Variants in NMNAT1 observed in about 807,000 individuals in gnomAD.
NMNAT1 encodes nicotinamide/nicotinic acid mononucleotide adenylyltransferase 1.
Under a neutral mutation model 16.7 loss-of-function variants are expected in NMNAT1, and 11 were observed. The ratio of observed to expected loss-of-function variants is 0.66; its 90% CI spans 0.41 to 1.09. The LOEUF is 1.09. Ranked by LOEUF, NMNAT1 falls within the 50% of genes least tolerant of loss-of-function variation. NMNAT1 has a pLI of 0.00. For synonymous variants in NMNAT1, 110 were observed against 119.8 expected (o/e 0.92, Z 0.53); for missense variants, 280 against 332.3 (o/e 0.84, Z 1.22).
At chr1:9,965,473 G>A (rs191540117) in intron 1 of NMNAT1, among the ~76,000 whole-genome samples, 9 of 151,156 alleles carry the variant, frequency 6.0e-5, no homozygotes, top group Admixed American at 4.0e-4. Context: ...GTGCAGTCTC[G>A]GCTCACTGCA....
chr1:9,982,846 G>A lies in NMNAT1; in HGVS notation c.*145G>A, dbSNP rs529047129. 50 of 808,980 alleles carry A rather than the reference G, an allele frequency of 6.2e-5. No individual in the cohort carries two copies. The East Asian group carries it at 1.2e-3, about 20-fold the overall frequency. The allele number at this position is 808,980 out of a possible 1,614,324, so 50.1% of individuals were successfully genotyped here. A position where few individuals can be genotyped will look rare whatever the true frequency, so the allele number is the denominator to read the frequency against. On this transcript the variant is annotated 3_prime_UTR_variant, in exon 5 of 5. Coordinates refer to ENST00000377205, the MANE Select transcript of NMNAT1 (RefSeq NM_022787.4). ...AAATCGTCTGGGCACAGTGGCTCAC[G>A]CCTGTAATCCCAGCACTTTGGGAGG...
chr1:9,983,757 C>G lies in NMNAT1; in HGVS notation c.*1056C>G, dbSNP rs1446321237. 1 of 152,026 alleles carries G rather than the reference C, an allele frequency of 6.6e-6. No individual in the cohort carries two copies. Among genetic ancestry groups the G allele is most frequent in the Non-Finnish European group, 1.5e-5 (1 of 68,030 alleles). The allele number at this position is 152,026 out of a possible 1,614,324, so 9.4% of individuals were successfully genotyped here. A position where few individuals can be genotyped will look rare whatever the true frequency, so the allele number is the denominator to read the frequency against. ...TCATACAGATGAGGGTCATTTTCTCCTCCTTAGCTTCTTGGAGTTTAAGAG... is the reference window on the plus strand; with the variant it reads ...TCATACAGATGAGGGTCATTTTCTCGTCCTTAGCTTCTTGGAGTTTAAGAG... On this transcript the variant is annotated 3_prime_UTR_variant, in exon 5 of 5. Coordinates refer to ENST00000377205, the MANE Select transcript of NMNAT1 (RefSeq NM_022787.4).
At chr1:9,961,544 G>C (rs1186612979) in intron 1 of NMNAT1, among the ~76,000 whole-genome samples, 1 of 152,098 alleles carries the variant, frequency 6.6e-6, no homozygotes, top group African/African-American at 2.4e-5. Flanking sequence ...TATGGGTATC[G>C]AGGGCCTGGG....
intron 1 of NMNAT1, among the ~76,000 whole-genome samples, chr1:9,970,840 T>C (rs970725645): frequency 3.9e-5 from 6 of 152,228 alleles, no homozygotes; most frequent in African/African-American, 9.6e-5. Context: ...ATGATGTTAC[T>C]ATCATGTTGA....
intron 1 of NMNAT1, among the ~76,000 whole-genome samples, chr1:9,964,865 T>C (rs1641504957): frequency 6.7e-6 from 1 of 148,460 alleles, no homozygotes. Flanking sequence ...GGAGAATCAC[T>C]TGAGCCAGGG....
At chr1:9,951,939 T>A (rs918548464) in intron 1 of NMNAT1, among the ~76,000 whole-genome samples, 2 of 152,342 alleles carry the variant, frequency 1.3e-5, no homozygotes, top group South Asian at 4.1e-4. Context: ...ATATCTCTTC[T>A]TTTGGTGTCA....
At position 9,980,513 on chromosome 1, in the gene NMNAT1, C is replaced by T. The variant is rs571961968; in HGVS notation, c.300-518C>T. On this transcript the variant is annotated intron_variant, in intron 3 of 4. Transcript: ENST00000377205. ...TGGTGCGCCCCTGTAATCCCAGCTG[C>T]TCGGGAGGCTGAGGCAAGAGAATTG... Among the ~76,000 whole-genome samples, 547 of 151,156 alleles carry T rather than the reference C, an allele frequency of 3.6e-3. 3 individuals carry two copies. The highest frequency in any genetic ancestry group is 5.7e-3 in the Non-Finnish European group (390 of 67,836).
At chr1:9,959,876 T>C (rs181441253) in intron 1 of NMNAT1, among the ~76,000 whole-genome samples, 2 of 152,274 alleles carry the variant, frequency 1.3e-5, no homozygotes, top group South Asian at 2.1e-4. Flanking sequence ...CAAAAGAATA[T>C]GCAATTTCAA....
chr1:9,961,820 G>T (rs554088380), intron 1 of NMNAT1, among the ~76,000 whole-genome samples: 4 of 152,034 alleles, frequency 2.6e-5, no homozygotes, highest in Non-Finnish European at 5.9e-5. Context: ...TGCCCAGGTT[G>T]GAGTGCAATG....
chr1:9,980,218 C>T (rs891538103), intron 3 of NMNAT1, among the ~76,000 whole-genome samples: 4 of 152,006 alleles, frequency 2.6e-5, no homozygotes, highest in African/African-American at 4.8e-5. Flanking sequence ...AGGTGTGAGC[C>T]ACCACGCCCA....
chr1:9,993,508 G>A, the NMNAT1 span, among the ~76,000 whole-genome samples: 1 of 151,964 alleles, frequency 6.6e-6, no homozygotes, highest in Admixed American at 6.6e-5. Context: ...AGAAAGACAG[G>A]ACAATACTGA....
At chr1:9,966,240 A>G (rs1641539663) in intron 1 of NMNAT1, among the ~76,000 whole-genome samples, 1 of 152,144 alleles carries the variant, frequency 6.6e-6, no homozygotes, top group Admixed American at 6.6e-5. Context: ...CAGAGGCTGC[A>G]GTGAGCTGAG....
At chr1:9,968,363 C>T (rs967105429) in intron 1 of NMNAT1, among the ~76,000 whole-genome samples, 3 of 151,258 alleles carry the variant, frequency 2.0e-5, no homozygotes, top group Admixed American at 2.0e-4. Context: ...TGAGCCGCCG[C>T]GCCTGGCCTG....
intron 1 of NMNAT1, among the ~76,000 whole-genome samples, chr1:9,948,172 T>TG (rs1641021631): frequency 6.6e-6 from 1 of 152,178 alleles, no homozygotes; most frequent in South Asian, 2.1e-4. Context: ...TGAGAACAGA[T>TG]GAACAGTCAT....
chr1:9,996,243 G>A, the NMNAT1 span, among the ~76,000 whole-genome samples: 5 of 151,474 alleles, frequency 3.3e-5, no homozygotes, highest in South Asian at 2.1e-4. Context: ...CCCCGGAGGC[G>A]GAGCTTGCAG....
chr1:9,967,601 T>TG (rs1641577674), intron 1 of NMNAT1: 1 of 152,020 alleles, frequency 6.6e-6, no homozygotes, highest in Admixed American at 6.6e-5. Context: ...GAAAATCCTC[T>TG]GGGAAAAAAA....
intron 2 of NMNAT1, among the ~76,000 whole-genome samples, chr1:9,973,368 TG>T (rs1355244655): frequency 6.6e-6 from 1 of 152,128 alleles, no homozygotes; most frequent in Admixed American, 6.6e-5. Context: ...CCCAAAGTGC[TG>T]GGATCACAGG....
intron 3 of NMNAT1, among the ~76,000 whole-genome samples, chr1:9,980,581 C>T (rs548187954): frequency 7.9e-5 from 12 of 151,848 alleles, no homozygotes; most frequent in African/African-American, 2.9e-4. Flanking sequence ...TGAGATCACA[C>T]ACTGCACTCA....
downstream of NMNAT1, among the ~76,000 whole-genome samples, chr1:9,990,428 A>G (rs1356040587): frequency 6.6e-6 from 1 of 152,186 alleles, no homozygotes; most frequent in Non-Finnish European, 1.5e-5. Flanking sequence ...TCAAAGAAAC[A>G]TCTTTTCCAA....
Sources: gnomAD v4.1 joint callset for allele counts (sites outside exome capture counted in the v4.1 genomes callset) on GRCh38, gnomAD v4.1.1 for gene constraint, MANE v1.5 for transcripts, NCBI Gene and HGNC (gene_info 2026-07-23, HGNC 2026-07-21) for gene names.